Variants in KIAA1328 observed in about 807,000 individuals in gnomAD.
The protein encoded by KIAA1328 is KIAA1328, also known as protein hinderin.
In KIAA1328, 52 loss-of-function variants were observed where a neutral mutation model predicts 68.1. The ratio of observed to expected loss-of-function variants is 0.76; its 90% CI spans 0.61 to 0.96. The LOEUF is 0.96. Ranked by LOEUF, KIAA1328 falls within the 40% of genes least tolerant of loss-of-function variation. The pLI is 0.00. For synonymous variants in KIAA1328, 232 were observed against 239.4 expected (o/e 0.97, Z 0.28); for missense variants, 641 against 677.6 (o/e 0.95, Z 0.60).
At chr18:36,900,765 T>C (rs1814915159) in intron 5 of KIAA1328, among the ~76,000 whole-genome samples, 1 of 152,010 alleles carries the variant, frequency 6.6e-6, no homozygotes, top group Non-Finnish European at 1.5e-5. Context: ...CATCCACTTA[T>C]TTGACATCGT....
At chr18:37,134,694 A>T (rs1388931179) in intron 7 of KIAA1328, among the ~76,000 whole-genome samples, 1 of 152,184 alleles carries the variant, frequency 6.6e-6, no homozygotes, top group Non-Finnish European at 1.5e-5. Flanking sequence ...TATTTTTTAA[A>T]TTTTTTAAAA....
intron 4 of KIAA1328, among the ~76,000 whole-genome samples, chr18:36,884,116 T>G (rs551917656): frequency 6.6e-6 from 1 of 152,086 alleles, no homozygotes; most frequent in South Asian, 2.1e-4. Flanking sequence ...TTTGTCAAAG[T>G]TACTTTGAAA....
chr18:36,834,872 C>A (rs2046620089), intron 2 of KIAA1328, among the ~76,000 whole-genome samples: 2 of 152,072 alleles, frequency 1.3e-5, no homozygotes, highest in South Asian at 4.1e-4. Context: ...GTACCCTTTA[C>A]AAATATTTCA....
At chr18:36,934,043 T>C (rs1015262638) in intron 5 of KIAA1328, among the ~76,000 whole-genome samples, 1 of 152,166 alleles carries the variant, frequency 6.6e-6, no homozygotes, top group Non-Finnish European at 1.5e-5. Context: ...ATGATCCCCC[T>C]ACCAGTTCAG....
intron 4 of KIAA1328, 114 bp downstream of exon 4, chr18:36,844,416 A>G (rs2046960062): frequency 1.7e-6 from 1 of 598,722 alleles, no homozygotes; most frequent in African/African-American, 1.9e-5. Context: ...ATGGTAGCAA[A>G]GAGTTTTGGA....
At chr18:37,182,508 G>A (rs549967949) in intron 9 of KIAA1328, among the ~76,000 whole-genome samples, 24 of 152,080 alleles carry the variant, frequency 1.6e-4, no homozygotes, top group Non-Finnish European at 3.1e-4. Flanking sequence ...TGTAAAGTAC[G>A]TAGCACAGGC....
intron 6 of KIAA1328, among the ~76,000 whole-genome samples, chr18:37,011,256 A>G (rs1035653271): frequency 3.9e-5 from 6 of 152,320 alleles, no homozygotes; most frequent in Middle Eastern, 3.4e-3. Flanking sequence ...TAGCATAGCT[A>G]TAATTGAACT....
At chr18:37,006,176 AG>A (rs2053775006) in intron 6 of KIAA1328, among the ~76,000 whole-genome samples, 1 of 152,182 alleles carries the variant, frequency 6.6e-6, no homozygotes, top group African/African-American at 2.4e-5. Flanking sequence ...AATTAAAAAA[AG>A]TAGTTATTTA....
At chr18:36,931,399 T>C (rs886705603) in intron 5 of KIAA1328, among the ~76,000 whole-genome samples, 1 of 152,038 alleles carries the variant, frequency 6.6e-6, no homozygotes, top group Non-Finnish European at 1.5e-5. Flanking sequence ...GCGAGGGATC[T>C]AGGTTGCATG....
intron 7 of KIAA1328, among the ~76,000 whole-genome samples, chr18:37,146,786 C>T (rs2058913400): frequency 6.6e-6 from 1 of 152,158 alleles, no homozygotes; most frequent in Admixed American, 6.6e-5. Context: ...GAATGTAAGG[C>T]CTTTTTTATT....
chr18:36,943,726 A>G (rs1401029054), intron 5 of KIAA1328, among the ~76,000 whole-genome samples: 2 of 152,196 alleles, frequency 1.3e-5, no homozygotes, highest in Non-Finnish European at 2.9e-5. Context: ...TTTTGTTTTG[A>G]TGGATAACAT....
intron 7 of KIAA1328, among the ~76,000 whole-genome samples, chr18:37,100,833 A>T (rs1490349383): frequency 6.6e-6 from 1 of 152,170 alleles, no homozygotes; most frequent in Non-Finnish European, 1.5e-5. Flanking sequence ...TTCCAGAGGA[A>T]CGATCAGGCA....
intron 5 of KIAA1328, among the ~76,000 whole-genome samples, chr18:36,951,432 T>C (rs1486934045): frequency 6.6e-6 from 1 of 152,226 alleles, no homozygotes; most frequent in Non-Finnish European, 1.5e-5. Flanking sequence ...CAAAAATTCC[T>C]GCCCTTACAG....
intron 5 of KIAA1328, among the ~76,000 whole-genome samples, chr18:36,922,368 A>C (rs2049960039): frequency 6.6e-6 from 1 of 152,128 alleles, no homozygotes; most frequent in Non-Finnish European, 1.5e-5. Flanking sequence ...ACCATCTCTC[A>C]GTTGGCAACT....
At chr18:37,187,604 A>G (rs1395013995) in intron 9 of KIAA1328, among the ~76,000 whole-genome samples, 1 of 152,202 alleles carries the variant, frequency 6.6e-6, no homozygotes. Context: ...AAATAGTAAT[A>G]TATAATAAAG....
chr18:36,908,602 C>T (rs959485902), intron 5 of KIAA1328, among the ~76,000 whole-genome samples: 6 of 152,092 alleles, frequency 3.9e-5, no homozygotes, highest in East Asian at 3.9e-4. Context: ...GGCCTCTCAA[C>T]GTGCTGGGAT....
intron 6 of KIAA1328, among the ~76,000 whole-genome samples, chr18:36,990,676 A>G (rs935274670): frequency 1.3e-5 from 2 of 151,338 alleles, no homozygotes; most frequent in African/African-American, 4.8e-5. Context: ...GTCTAAATAT[A>G]TATATATATA....
At chr18:36,900,212 G>A (rs1314940476) in intron 5 of KIAA1328, among the ~76,000 whole-genome samples, 1 of 151,866 alleles carries the variant, frequency 6.6e-6, no homozygotes, top group African/African-American at 2.4e-5. Context: ...GGTCAATCTT[G>A]TAAAATGTTG....
intron 6 of KIAA1328, among the ~76,000 whole-genome samples, chr18:36,963,774 A>C (rs552504581): frequency 6.6e-6 from 1 of 152,120 alleles, no homozygotes; most frequent in Non-Finnish European, 1.5e-5. Flanking sequence ...CTTTTTTGTT[A>C]TTTTGTAATC....
Sources: gnomAD v4.1 joint callset for allele counts (sites outside exome capture counted in the v4.1 genomes callset) on GRCh38, gnomAD v4.1.1 for gene constraint, MANE v1.5 for transcripts, NCBI Gene and HGNC (gene_info 2026-07-23, HGNC 2026-07-21) for gene names.